CDHR3: variants seen among roughly 807,000 people sequenced by gnomAD.
The protein encoded by CDHR3 is cadherin related family member 3.
Under a neutral mutation model 86.6 loss-of-function variants are expected in CDHR3, and 79 were observed. The observed-to-expected ratio is 0.91, with a 90% confidence interval of 0.76 to 1.10. CDHR3 has a LOEUF of 1.10. Ranked by LOEUF, CDHR3 falls within the 50% of genes least tolerant of loss-of-function variation. The pLI is 0.00. For missense variants in CDHR3, 1,081 were observed against 1,077.6 expected, an observed-to-expected ratio of 1.00 and a Z score of -0.04; for synonymous variants, 421 against 402.4, an observed-to-expected ratio of 1.05 and a Z score of -0.55.
At chr7:105,965,841 T>C (rs1230044664) in intron 1 of CDHR3, among the ~76,000 whole-genome samples, 1 of 152,252 alleles carries the variant, frequency 6.6e-6, no homozygotes, top group African/African-American at 2.4e-5. Flanking sequence ...GCCACATATA[T>C]AGAGGATATC....
At chr7:105,982,243 T>C (rs1284764406) in intron 3 of CDHR3, among the ~76,000 whole-genome samples, 1 of 151,408 alleles carries the variant, frequency 6.6e-6, no homozygotes, top group East Asian at 2.0e-4. Context: ...CCGAGGCAGG[T>C]GGATCACGAG....
intron 1 of CDHR3, among the ~76,000 whole-genome samples, chr7:105,972,215 T>C (rs1346812112): frequency 6.6e-6 from 1 of 152,126 alleles, no homozygotes; most frequent in African/African-American, 2.4e-5. Flanking sequence ...TGTCGGAGGA[T>C]TGTGCTGGGA....
At chr7:106,012,024 A>G (rs1412683569) in intron 8 of CDHR3, among the ~76,000 whole-genome samples, 1 of 152,270 alleles carries the variant, frequency 6.6e-6, no homozygotes, top group African/African-American at 2.4e-5. Flanking sequence ...GATTCTCCCT[A>G]GCCCAGTTAG....
Position 106,026,752 on chromosome 7 carries a change from C to T in CDHR3, c.2272+57C>T, listed in dbSNP as rs549343216. 71 of 1,580,316 alleles carry T rather than the reference C, an allele frequency of 4.5e-5. No individual in the cohort carries two copies. In the South Asian group the frequency reaches 6.5e-4, roughly 15 times the overall value. ...GTTTTTTGCTTGCTCTGTTGTGCTA[C>T]GTAAAAAGGTTCCTACTCGGCAAAG... is the stretch of plus-strand genomic sequence containing the variant. On this transcript the variant is annotated intron_variant, in intron 16 of 18. Coordinates refer to ENST00000317716, the MANE Select transcript of CDHR3 (RefSeq NM_152750.5).
rs193128919 is a variant in CDHR3 at position 106,025,780 on chromosome 7, T to C, written c.2259-902T>C. On this transcript the variant is annotated intron_variant, in intron 15 of 18. Transcript: ENST00000317716. ...TATTTATTGCGGAAGTTTGTTGCTA[T>C]TGGCAACCTTGACTTCAAGGTAAGA... Among the ~76,000 whole-genome samples, 73 of 152,370 alleles carry C rather than the reference T, an allele frequency of 4.8e-4. No homozygotes were observed. The East Asian group carries it at 0.013, about 27-fold the overall frequency.
intron 8 of CDHR3, among the ~76,000 whole-genome samples, chr7:106,007,064 T>TG (rs1244279517): frequency 6.6e-6 from 1 of 152,216 alleles, no homozygotes; most frequent in African/African-American, 2.4e-5. Context: ...TGGCAAGGCT[T>TG]GGGGCTTCCA....
At chr7:106,009,733 A>T (rs962509844) in intron 8 of CDHR3, among the ~76,000 whole-genome samples, 2 of 152,300 alleles carry the variant, frequency 1.3e-5, no homozygotes, top group South Asian at 4.1e-4. Flanking sequence ...TCCCAGGCTG[A>T]TGATGAATGA....
intron 8 of CDHR3, among the ~76,000 whole-genome samples, chr7:106,011,375 CTT>C (rs1475938086): frequency 6.6e-6 from 1 of 152,062 alleles, no homozygotes; most frequent in Non-Finnish European, 1.5e-5. Context: ...CTTGCCCTCT[CTT>C]GTTACTTTTG....
In CDHR3 at chr7:106,004,676, G is replaced by A. The variant is rs201055622; in HGVS notation, c.1041G>A (p.Lys347=). 1 of 1,614,004 alleles carries A rather than the reference G, an allele frequency of 6.2e-7. No homozygotes were observed. The highest frequency in any genetic ancestry group is 1.7e-5 in the Admixed American group (1 of 60,030). The part of the protein sequence containing the change: ...DVNDNPATCQ[K]FTFSIMVPER... ...ACGACAATCCTGCCACATGCCAAAA[G>A]TTCACCTTCAGGTATGCACACTTTG... The change falls in exon 8 of 19, where the codon AAG becomes AAA. Residue 347 remains lysine, a synonymous_variant. Transcript: ENST00000317716.
chr7:105,988,542 C>T (rs1372135637), intron 4 of CDHR3, among the ~76,000 whole-genome samples: 1 of 152,144 alleles, frequency 6.6e-6, no homozygotes, highest in African/African-American at 2.4e-5. Context: ...AAACCTCAAC[C>T]CCTTTAAAAT....
intron 8 of CDHR3, among the ~76,000 whole-genome samples, chr7:106,011,435 T>A (rs1185895821): frequency 4.0e-5 from 6 of 151,728 alleles, no homozygotes; most frequent in Admixed American, 6.6e-5. Flanking sequence ...TCCTAGAAGA[T>A]GAGGACAAGA....
intron 3 of CDHR3, among the ~76,000 whole-genome samples, chr7:105,983,431 A>T (rs1830063532): frequency 6.6e-6 from 1 of 152,208 alleles, no homozygotes. Flanking sequence ...AAAAGAATAA[A>T]TACAATACCT....
intron 2 of CDHR3, among the ~76,000 whole-genome samples, chr7:105,976,339 C>T (rs1432102420): frequency 1.3e-5 from 2 of 152,192 alleles, no homozygotes; most frequent in Admixed American, 6.5e-5. Flanking sequence ...GGGAAAATGA[C>T]GCACAGAGAG....
chr7:105,967,641 A>G (rs193800), intron 1 of CDHR3, among the ~76,000 whole-genome samples: 115,840 of 152,004 alleles, frequency 0.76, 45,334 homozygotes, highest in East Asian at 0.95. Flanking sequence ...TTTAATGATC[A>G]CCATTCTAAC....
intron 9 of CDHR3, 96 bp from the exon 10 acceptor site, chr7:106,015,015 T>G: frequency 1.0e-6 from 1 of 986,536 alleles, no homozygotes; most frequent in East Asian, 2.7e-5. Flanking sequence ...GTTTTGCCAA[T>G]TTATATATCC....
intron 11 of CDHR3, among the ~76,000 whole-genome samples, chr7:106,017,014 A>G (rs1435760384): frequency 6.6e-6 from 1 of 152,224 alleles, no homozygotes; most frequent in Non-Finnish European, 1.5e-5. Flanking sequence ...ATGCTAGCAG[A>G]CCCACCAACA....
chr7:105,976,239 G>A (rs1828790543), intron 2 of CDHR3, among the ~76,000 whole-genome samples: 1 of 152,052 alleles, frequency 6.6e-6, no homozygotes, highest in South Asian at 2.1e-4. Context: ...GTGTACACTG[G>A]GTACTGTTGA....
chr7:105,965,560 A>C (rs1446737581), intron 1 of CDHR3, among the ~76,000 whole-genome samples: 19 of 58,834 alleles, frequency 3.2e-4, no homozygotes, highest in East Asian at 3.9e-3. Flanking sequence ...GGCCCAACTC[A>C]AGCCCCACCC....
chr7:105,975,702 G>T (rs921408050), intron 2 of CDHR3, among the ~76,000 whole-genome samples: 1 of 152,110 alleles, frequency 6.6e-6, no homozygotes. Context: ...ACTGGTAACC[G>T]CAGAGGCCTT....
Sources: gnomAD v4.1 joint callset for allele counts (sites outside exome capture counted in the v4.1 genomes callset) on GRCh38, gnomAD v4.1.1 for gene constraint, MANE v1.5 for transcripts, NCBI Gene and HGNC (gene_info 2026-07-23, HGNC 2026-07-21) for gene names.